The following MEIS1 variants were observed in gnomAD, a reference collection of about 807,000 sequenced individuals.
MEIS1 encodes homeobox protein Meis1.
A neutral mutation model predicts 50.8 loss-of-function variants in MEIS1; 5 were observed. That is an observed-to-expected ratio of 0.10 (90% CI 0.05 to 0.21). MEIS1 has a LOEUF of 0.21. Ranked by LOEUF, MEIS1 falls within the 10% of genes least tolerant of loss-of-function variation. The pLI, the probability that MEIS1 is intolerant of heterozygous loss-of-function variation, is 1.00. For synonymous variants in MEIS1, 176 were observed against 179.3 expected, an observed-to-expected ratio of 0.98 and a Z score of 0.15; for missense variants, 318 against 517.3, an observed-to-expected ratio of 0.61 and a Z score of 3.74.
chr2:66,506,543 C>T (rs1480185495), intron 7 of MEIS1, among the ~76,000 whole-genome samples: 1 of 152,138 alleles, frequency 6.6e-6, no homozygotes, highest in East Asian at 1.9e-4. Flanking sequence ...CGTGAAAGGC[C>T]TTCCACGCCA....
chr2:66,553,348 G>A (rs896899737), intron 9 of MEIS1, among the ~76,000 whole-genome samples: 6 of 152,158 alleles, frequency 3.9e-5, no homozygotes, highest in South Asian at 2.1e-4. Context: ...TTCAGAATGG[G>A]TTGTTGTTCT....
rs565671827 is a variant in MEIS1, at chr2:66,446,599, G to C, written c.630+3551G>C. 5.9e-5 allele frequency among the ~76,000 whole-genome samples: 9 copies of C among 152,298 alleles called. No homozygotes were observed. In the East Asian group the frequency reaches 1.7e-3, roughly 29 times the overall value. ...AACAGCAGCTCTCCGGGGGGTCCTC[G>C]TCTGAATCTGCATTTAGCAGCTCCT... is the stretch of plus-strand genomic sequence containing the variant. On this transcript the variant is annotated intron_variant, in intron 6 of 12. Coordinates refer to ENST00000272369, the MANE Select transcript of MEIS1 (RefSeq NM_002398.3).
chr2:66,529,223 T>C (rs1674329860), intron 8 of MEIS1, among the ~76,000 whole-genome samples: 1 of 152,174 alleles, frequency 6.6e-6, no homozygotes, highest in African/African-American at 2.4e-5. Flanking sequence ...GCTGTGCCTT[T>C]CTATCTAGAG....
chr2:66,440,800 C>T (rs1230924086), intron 4 of MEIS1, 188 bp downstream of exon 4: 1 of 581,090 alleles, frequency 1.7e-6, no homozygotes, highest in Non-Finnish European at 3.1e-6. Context: ...AAATTCATCT[C>T]GAGAGGGGCC....
chr2:66,470,923 GT>G (rs1460087799), intron 7 of MEIS1, among the ~76,000 whole-genome samples: 1 of 152,180 alleles, frequency 6.6e-6, no homozygotes, highest in South Asian at 2.1e-4. Context: ...CTGTTACCAA[GT>G]AACTGCTTTA....
chr2:66,508,119 C>T (rs1048981015), intron 7 of MEIS1, among the ~76,000 whole-genome samples: 5 of 152,202 alleles, frequency 3.3e-5, no homozygotes, highest in African/African-American at 1.2e-4. Flanking sequence ...TTTGATAGCT[C>T]GGAAACTGAA....
In MEIS1 at chr2:66,439,472, C is replaced by T. The variant is rs189292710; in HGVS notation, c.240-371C>T. On this transcript the variant is annotated intron_variant, in intron 2 of 12. Transcript: ENST00000272369. ...CAACTCTCCGCCCGGCGCCTTTCTC[C>T]TCCACCGGATCCTGGATGTGCAGTG... The T allele has an allele frequency of 9.7e-4, 1,345 of 1,381,832 alleles. 2 individuals are homozygous for T. Among genetic ancestry groups the T allele is most frequent in the Admixed American group, 3.1e-3 (98 of 31,946 alleles). 85.6% of individuals were successfully genotyped at this position (1,381,832 alleles called of 1,614,324 possible). A position where few individuals can be genotyped will look rare whatever the true frequency, so the allele number is the denominator to read the frequency against.
intron 6 of MEIS1, among the ~76,000 whole-genome samples, chr2:66,458,200 C>T (rs1672438829): frequency 1.3e-5 from 2 of 152,086 alleles, no homozygotes; most frequent in Admixed American, 1.3e-4. Flanking sequence ...TGGCATCATA[C>T]TGATGTGGTG....
At chr2:66,545,119 AT>A (rs1674757508) in intron 8 of MEIS1, among the ~76,000 whole-genome samples, 1 of 152,174 alleles carries the variant, frequency 6.6e-6, no homozygotes, top group African/African-American at 2.4e-5. Flanking sequence ...ATAAATAATA[AT>A]TTTTATCCAG....
intron 7 of MEIS1, among the ~76,000 whole-genome samples, chr2:66,476,530 G>A (rs912087845): frequency 1.3e-5 from 2 of 152,184 alleles, no homozygotes; most frequent in Non-Finnish European, 2.9e-5. Flanking sequence ...CTGACAGTCT[G>A]GTGGAGGAAC....
intron 8 of MEIS1, among the ~76,000 whole-genome samples, chr2:66,534,734 T>C (rs1316613467): frequency 6.6e-6 from 1 of 152,036 alleles, no homozygotes; most frequent in East Asian, 1.9e-4. Context: ...ATTAGCAACC[T>C]TAAGTCACAA....
intron 8 of MEIS1, among the ~76,000 whole-genome samples, chr2:66,542,836 G>A (rs190769477): frequency 9.9e-5 from 15 of 152,238 alleles, no homozygotes; most frequent in Admixed American, 8.5e-4. Context: ...CACTTTCTTG[G>A]CATCCACATT....
At chr2:66,566,811 A>G (rs528675543) in intron 9 of MEIS1, among the ~76,000 whole-genome samples, 56 of 7,748 alleles carry the variant, frequency 7.2e-3, no homozygotes, top group African/African-American at 9.5e-3. Flanking sequence ...CATAAAGAGC[A>G]AAAAAAAAAA....
Position 66,571,336 on chromosome 2 carries a change from C to G in MEIS1, c.*128C>G, listed in dbSNP as rs531315301. On this transcript the variant is annotated 3_prime_UTR_variant, in exon 13 of 13. Transcript: ENST00000272369. Reference sequence around the variant, plus strand: ...CCAAGTTATACCCAACCCCAGATGCCCCCCCATCCTGCTCAGCTGCGTCAT... The same window carrying G: ...CCAAGTTATACCCAACCCCAGATGCGCCCCCATCCTGCTCAGCTGCGTCAT... The G allele has an allele frequency of 1.9e-5, 31 of 1,598,856 alleles. No individual in the cohort carries two copies. The Admixed American group carries it at 4.5e-4, about 23-fold the overall frequency.
chr2:66,567,791 A>ATTT, intron 10 of MEIS1: 1 of 564,808 alleles, frequency 1.8e-6, no homozygotes. Context: ...TATTAATGTT[A>ATTT]TTTTTTTTCT....
intron 4 of MEIS1, 118 bp from the exon 5 acceptor site, chr2:66,441,296 A>G (rs1244243633): frequency 7.3e-6 from 6 of 817,132 alleles, no homozygotes; most frequent in Non-Finnish European, 7.5e-6. Context: ...TGTTATTGCC[A>G]TAAATCAAAA....
At chr2:66,550,874 A>C (rs971361949) in intron 9 of MEIS1, among the ~76,000 whole-genome samples, 1 of 152,198 alleles carries the variant, frequency 6.6e-6, no homozygotes, top group Non-Finnish European at 1.5e-5. Flanking sequence ...TACTAAAAAT[A>C]ATAATTTTGA....
At chr2:66,550,145 C>G (rs911723852) in intron 9 of MEIS1, among the ~76,000 whole-genome samples, 3 of 152,146 alleles carry the variant, frequency 2.0e-5, no homozygotes, top group African/African-American at 7.2e-5. Context: ...CAATTCTGCA[C>G]GGGTAAATAA....
intron 6 of MEIS1, among the ~76,000 whole-genome samples, chr2:66,453,148 ATTGT>A (rs756734592): frequency 4.6e-5 from 7 of 151,970 alleles, no homozygotes; most frequent in Non-Finnish European, 8.8e-5. Flanking sequence ...CTAATAGTGA[ATTGT>A]TTGAGTGTTT....
Sources: allele counts gnomAD v4.1 joint callset (sites outside exome capture counted in the v4.1 genomes callset), GRCh38; gene constraint gnomAD v4.1.1; transcripts MANE v1.5; gene names NCBI Gene and HGNC (gene_info 2026-07-23, HGNC 2026-07-21).